The following PTPRD variants were observed in gnomAD, a reference collection of about 807,000 sequenced individuals.
The protein encoded by PTPRD is protein tyrosine phosphatase receptor type D.
Under a neutral mutation model 214.5 loss-of-function variants are expected in PTPRD, and 34 were observed. The ratio of observed to expected loss-of-function variants is 0.16; its 90% CI spans 0.12 to 0.21. The LOEUF (loss-of-function observed/expected upper bound fraction) is 0.21, where lower values mean the gene tolerates loss of function less well. Among genes scored for constraint, PTPRD ranks in the 10% least tolerant of loss-of-function variants. The pLI is 1.00. For missense variants in PTPRD, 2,545 were observed against 2,398.7 expected (o/e 1.06, Z -1.27); for synonymous variants, 1,128 against 845.7 (o/e 1.33, Z -5.79).
At chr9:9,931,549 T>A (rs189232258) in intron 5 of PTPRD, among the ~76,000 whole-genome samples, 1 of 151,838 alleles carries the variant, frequency 6.6e-6, no homozygotes, top group African/African-American at 2.4e-5. Flanking sequence ...CAGGAGATTA[T>A]ATCCCGCACG....
chr9:9,581,176 ATTATAATTAAT>A (rs1410473594), intron 7 of PTPRD, among the ~76,000 whole-genome samples: 1 of 152,180 alleles, frequency 6.6e-6, no homozygotes, highest in East Asian at 1.9e-4. Context: ...ACTCTAATAA[ATTATAATTAAT>A]TTTAGATAGT....
intron 8 of PTPRD, among the ~76,000 whole-genome samples, chr9:9,422,812 C>T (rs2079303909): frequency 6.6e-6 from 1 of 152,130 alleles, no homozygotes; most frequent in East Asian, 1.9e-4. Flanking sequence ...TCCTTGAGAC[C>T]TTTGCAGTTC....
chr9:9,143,942 A>G (rs2099864340), intron 10 of PTPRD, among the ~76,000 whole-genome samples: 1 of 152,228 alleles, frequency 6.6e-6, no homozygotes, highest in South Asian at 2.1e-4. Flanking sequence ...GTGATCATTC[A>G]TCCAGAGATG....
At chr9:8,918,314 C>T (rs2052121430) in intron 11 of PTPRD, among the ~76,000 whole-genome samples, 1 of 152,106 alleles carries the variant, frequency 6.6e-6, no homozygotes, top group East Asian at 1.9e-4. Flanking sequence ...GGAGACAGAA[C>T]AAGCAAAGTA....
At chr9:10,471,429 T>C (rs2099030525) in intron 2 of PTPRD, among the ~76,000 whole-genome samples, 1 of 152,172 alleles carries the variant, frequency 6.6e-6, no homozygotes, top group South Asian at 2.1e-4. Context: ...AAAAGTTTCA[T>C]CAGGTAGTAT....
rs546907699 is a variant in PTPRD, at chr9:9,413,093, G to A, written c.-236-15611C>T. Among the ~76,000 whole-genome samples, 13 of 123,744 alleles carry A rather than the reference G, an allele frequency of 1.1e-4. No individual in the cohort carries two copies. The South Asian group carries it at 2.7e-3, about 25-fold the overall frequency. The allele number at this position is 123,744 out of a possible 152,430, so 81.2% of individuals were successfully genotyped here. On this transcript the variant is annotated intron_variant, in intron 8 of 45. Coordinates refer to ENST00000381196, the MANE Select transcript of PTPRD (RefSeq NM_002839.4). ...GGGCAAACAAGTTATAAAATATCTT[G>A]CAGCTTCTTTTTTTTTTTTTTTTTT...
intron 9 of PTPRD, among the ~76,000 whole-genome samples, chr9:9,391,686 C>T (rs1369796904): frequency 1.3e-5 from 2 of 152,060 alleles, no homozygotes; most frequent in African/African-American, 4.8e-5. Flanking sequence ...ATTTCTCTTC[C>T]ATTTATAGTA....
intron 15 of PTPRD, among the ~76,000 whole-genome samples, chr9:8,527,596 T>G (rs1262010424): frequency 1.3e-5 from 2 of 152,134 alleles, no homozygotes; most frequent in Non-Finnish European, 2.9e-5. Context: ...CTGAGAATTC[T>G]GGGAAGACAG....
intron 2 of PTPRD, among the ~76,000 whole-genome samples, chr9:10,594,741 G>A (rs767510764): frequency 6.6e-5 from 10 of 151,978 alleles, no homozygotes; most frequent in Admixed American, 2.0e-4. Context: ...CTAATGAGGT[G>A]TCACAAGAAA....
intron 3 of PTPRD, among the ~76,000 whole-genome samples, chr9:10,264,549 G>C (rs2093922381): frequency 2.0e-5 from 3 of 152,076 alleles, no homozygotes; most frequent in Non-Finnish European, 2.9e-5. Context: ...TCTCCCATTT[G>C]GAACAGCTGT....
At chr9:9,027,908 A>G (rs1039405027) in intron 10 of PTPRD, among the ~76,000 whole-genome samples, 1 of 151,988 alleles carries the variant, frequency 6.6e-6, no homozygotes, top group African/African-American at 2.4e-5. Flanking sequence ...GTGGTAACAT[A>G]AAAGAATCCC....
chr9:9,190,501 C>G (rs529721265), intron 9 of PTPRD, among the ~76,000 whole-genome samples: 86 of 151,970 alleles, frequency 5.7e-4, no homozygotes, highest in African/African-American at 2.0e-3. Flanking sequence ...GATTCTGAGG[C>G]CCCCCCAGCC....
intron 9 of PTPRD, among the ~76,000 whole-genome samples, chr9:9,194,936 A>T (rs2099937416): frequency 6.6e-6 from 1 of 151,768 alleles, no homozygotes; most frequent in African/African-American, 2.4e-5. Flanking sequence ...ATTCCATTCT[A>T]CTAAGTGAAG....
chr9:9,383,443 C>G (rs891640170), intron 9 of PTPRD, among the ~76,000 whole-genome samples: 11 of 152,114 alleles, frequency 7.2e-5, no homozygotes, highest in African/African-American at 2.7e-4. Flanking sequence ...AAAGTACTAA[C>G]TGAACTTATT....
intron 39 of PTPRD, among the ~76,000 whole-genome samples, chr9:8,352,690 G>A (rs2075848008): frequency 6.6e-6 from 1 of 152,170 alleles, no homozygotes. Flanking sequence ...AGGAGCCACT[G>A]GAAGGTACTT....
At position 8,619,854 on chromosome 9, in the gene PTPRD, C is replaced by A. The variant is rs139256676; in HGVS notation, c.352+13463G>T. Among the ~76,000 whole-genome samples, 40 of 152,084 alleles carry A rather than the reference C, an allele frequency of 2.6e-4. No homozygotes were observed. The South Asian group carries it at 5.2e-3, about 20-fold the overall frequency. On this transcript the variant is annotated intron_variant, in intron 14 of 45. Transcript: ENST00000381196. ...TATGTCACATTACACTCGATTGTAT[C>A]CTTTGCAAGATAGCATTAAAGGGCA...
At chr9:9,488,888 G>A (rs900943939) in intron 8 of PTPRD, among the ~76,000 whole-genome samples, 1 of 152,072 alleles carries the variant, frequency 6.6e-6, no homozygotes, top group East Asian at 1.9e-4. Flanking sequence ...GTCAGGATGG[G>A]CAAAAAGAAC....
intron 10 of PTPRD, among the ~76,000 whole-genome samples, chr9:9,089,994 G>A (rs1203226921): frequency 6.6e-6 from 1 of 152,118 alleles, no homozygotes; most frequent in African/African-American, 2.4e-5. Context: ...TTTGATACAT[G>A]CATACATGTG....
chr9:9,426,685 C>G (rs773197436), intron 8 of PTPRD, among the ~76,000 whole-genome samples: 3 of 152,120 alleles, frequency 2.0e-5, no homozygotes, highest in Non-Finnish European at 4.4e-5. Flanking sequence ...CCTCATCTGG[C>G]TGGGTGCCCC....
Sources: gnomAD v4.1 joint callset for allele counts (sites outside exome capture counted in the v4.1 genomes callset) on GRCh38, gnomAD v4.1.1 for gene constraint, MANE v1.5 for transcripts, NCBI Gene and HGNC (gene_info 2026-07-23, HGNC 2026-07-21) for gene names.